SCFD2: variants seen among roughly 807,000 people sequenced by gnomAD.
The protein encoded by SCFD2 is sec1 family domain-containing protein 2.
In SCFD2, 54 loss-of-function variants were observed where a neutral mutation model predicts 58.9. The ratio of observed to expected loss-of-function variants is 0.92; its 90% CI spans 0.74 to 1.15. SCFD2 has a LOEUF of 1.15. Ranked by LOEUF, SCFD2 falls within the 50% of genes most tolerant of loss-of-function variation. The pLI, the probability that SCFD2 is intolerant of heterozygous loss-of-function variation, is 0.00. For synonymous variants in SCFD2, 321 were observed against 335.9 expected, an observed-to-expected ratio of 0.96 and a Z score of 0.49; for missense variants, 805 against 836.6, an observed-to-expected ratio of 0.96 and a Z score of 0.47.
At chr4:53,208,249 C>T (rs867647905) in intron 4 of SCFD2, among the ~76,000 whole-genome samples, 21 of 152,124 alleles carry the variant, frequency 1.4e-4, no homozygotes, top group Non-Finnish European at 2.4e-4. Flanking sequence ...CTGGGCCAGA[C>T]ACGAGCCACC....
At chr4:53,246,743 C>A (rs1280347405) in intron 4 of SCFD2, among the ~76,000 whole-genome samples, 3 of 152,024 alleles carry the variant, frequency 2.0e-5, no homozygotes, top group African/African-American at 7.2e-5. Flanking sequence ...ACTATAAAAA[C>A]CCTGGAAGAT....
chr4:53,137,233 CTGT>C (rs1240175821), intron 5 of SCFD2, among the ~76,000 whole-genome samples: 1 of 152,174 alleles, frequency 6.6e-6, no homozygotes, highest in African/African-American at 2.4e-5. Flanking sequence ...TTCAAGAAAG[CTGT>C]TGTTTTCCTA....
At chr4:53,151,840 C>A (rs1382098450) in intron 4 of SCFD2, among the ~76,000 whole-genome samples, 1 of 152,180 alleles carries the variant, frequency 6.6e-6, no homozygotes, top group Admixed American at 6.5e-5. Context: ...TCTGGTAAGG[C>A]CCCAGGAATC....
chr4:53,020,570 C>G (rs980902256), intron 5 of SCFD2, among the ~76,000 whole-genome samples: 1 of 152,160 alleles, frequency 6.6e-6, no homozygotes, highest in Non-Finnish European at 1.5e-5. Context: ...ACTCCCATGA[C>G]CCTATGCCTG....
intron 3 of SCFD2, among the ~76,000 whole-genome samples, chr4:53,300,950 G>T (rs1732259213): frequency 6.6e-6 from 1 of 152,240 alleles, no homozygotes; most frequent in Non-Finnish European, 1.5e-5. Flanking sequence ...ATTCGAAGCA[G>T]TGTGTAGAGG....
In SCFD2 at chr4:53,177,135, G is replaced by A. The variant is rs529489062; in HGVS notation, c.1312-31553C>T. 1.5e-4 allele frequency among the ~76,000 whole-genome samples: 23 copies of A among 152,104 alleles called. No individual in the cohort carries two copies. In the South Asian group the frequency reaches 4.8e-3, roughly 32 times the overall value. On this transcript the variant is annotated intron_variant, in intron 4 of 8. Transcript: ENST00000401642. ...CATTTCTTTAACAAATGTGTGTTCA[G>A]GCACTGAGTGCCAGATAGAAGAGAT...
At chr4:53,356,029 A>G (rs557726686) in intron 1 of SCFD2, among the ~76,000 whole-genome samples, 1 of 152,352 alleles carries the variant, frequency 6.6e-6, no homozygotes, top group East Asian at 1.9e-4. Flanking sequence ...TGCAGTCAAT[A>G]TGTCAGCTGG....
chr4:53,213,448 A>G (rs1406810709), intron 4 of SCFD2, among the ~76,000 whole-genome samples: 2 of 152,162 alleles, frequency 1.3e-5, no homozygotes, highest in Admixed American at 1.3e-4. Context: ...AATTAAAACC[A>G]GAGTGACTAT....
chr4:53,219,346 C>T (rs1357397301), intron 4 of SCFD2, among the ~76,000 whole-genome samples: 1 of 152,218 alleles, frequency 6.6e-6, no homozygotes, highest in Non-Finnish European at 1.5e-5. Flanking sequence ...GCGGGCGCCC[C>T]TCCCCCAGCC....
rs570117176 is a variant in SCFD2, at chr4:52,941,606, C to T, written c.1562-20736G>A. 3.3e-5 allele frequency among the ~76,000 whole-genome samples: 5 copies of T among 152,320 alleles called. No individual in the cohort carries two copies. In the East Asian group the frequency reaches 5.8e-4, roughly 18 times the overall value. ...GTATTGGGAAGCCAGACACTCACTCCGGTTCACTTATCTGGCACACAGAAG... is the reference window on the plus strand; with the variant it reads ...GTATTGGGAAGCCAGACACTCACTCTGGTTCACTTATCTGGCACACAGAAG... On this transcript the variant is annotated intron_variant, in intron 5 of 8. Coordinates refer to ENST00000401642, the MANE Select transcript of SCFD2 (RefSeq NM_152540.4).
chr4:53,112,382 C>A (rs555295488), intron 5 of SCFD2, among the ~76,000 whole-genome samples: 49 of 152,174 alleles, frequency 3.2e-4, no homozygotes, highest in African/African-American at 1.2e-3. Context: ...TTTTGAACTT[C>A]TGACTTTAAC....
At chr4:53,062,028 A>T (rs1723527485) in intron 5 of SCFD2, among the ~76,000 whole-genome samples, 1 of 151,892 alleles carries the variant, frequency 6.6e-6, no homozygotes, top group African/African-American at 2.4e-5. Flanking sequence ...GGTGACTTAA[A>T]ATATATATAA....
At chr4:52,899,512 G>A (rs1385286511) in intron 7 of SCFD2, among the ~76,000 whole-genome samples, 1 of 152,208 alleles carries the variant, frequency 6.6e-6, no homozygotes, top group Non-Finnish European at 1.5e-5. Flanking sequence ...TTTCTGCGGA[G>A]AGATCTGCTG....
intron 5 of SCFD2, among the ~76,000 whole-genome samples, chr4:52,945,225 AG>A (rs1720392378): frequency 6.6e-6 from 1 of 152,232 alleles, no homozygotes; most frequent in Admixed American, 6.5e-5. Flanking sequence ...AGAGATCTCA[AG>A]AGGGACTTGT....
At chr4:53,224,130 C>G (rs986041099) in intron 4 of SCFD2, among the ~76,000 whole-genome samples, 1 of 152,104 alleles carries the variant, frequency 6.6e-6, no homozygotes, top group Non-Finnish European at 1.5e-5. Flanking sequence ...GTGATTCACG[C>G]CTGTAATCCC....
intron 4 of SCFD2, among the ~76,000 whole-genome samples, chr4:53,173,217 A>T (rs1727231113): frequency 6.6e-6 from 1 of 152,190 alleles, no homozygotes; most frequent in Non-Finnish European, 1.5e-5. Context: ...AGTTGAAAAT[A>T]TTATAAACAA....
At chr4:52,896,597 T>G (rs2109458716) in intron 7 of SCFD2, among the ~76,000 whole-genome samples, 1 of 152,368 alleles carries the variant, frequency 6.6e-6, no homozygotes, top group South Asian at 2.1e-4. Context: ...GGTAGCATGA[T>G]GCCTCCAGCT....
intron 5 of SCFD2, among the ~76,000 whole-genome samples, chr4:53,056,126 C>CTTT (rs34952397): frequency 1.5e-5 from 2 of 137,298 alleles, no homozygotes; most frequent in Non-Finnish European, 3.1e-5. Flanking sequence ...TGTAACGTAG[C>CTTT]TTTTTTTTTT....
intron 4 of SCFD2, among the ~76,000 whole-genome samples, chr4:53,180,998 T>C (rs554010674): frequency 1.3e-5 from 2 of 152,242 alleles, no homozygotes; most frequent in South Asian, 4.2e-4. Flanking sequence ...GCTCTGAAAT[T>C]GAGGCAATAA....
Sources: gnomAD v4.1 joint callset for allele counts (sites outside exome capture counted in the v4.1 genomes callset) on GRCh38, gnomAD v4.1.1 for gene constraint, MANE v1.5 for transcripts, NCBI Gene and HGNC (gene_info 2026-07-23, HGNC 2026-07-21) for gene names.